Variants in CSN2 observed in about 807,000 individuals in gnomAD.
CSN2 encodes the protein casein beta, also known as beta-casein.
A neutral mutation model predicts 27.3 loss-of-function variants in CSN2; 27 were observed. The observed-to-expected ratio is 0.99, with a 90% CI of 0.73 to 1.36. The LOEUF (loss-of-function observed/expected upper bound fraction) is 1.36, where lower values mean the gene tolerates loss of function less well. CSN2 is among the 40% of genes most tolerant of loss of function. The pLI is 0.00. For missense variants in CSN2, 333 were observed against 264.5 expected, an observed-to-expected ratio of 1.26 and a Z score of -1.80; for synonymous variants, 131 against 94.8, an observed-to-expected ratio of 1.38 and a Z score of -2.22.
At chr4:69,958,888 T>C (rs1723482868) in intron 5 of CSN2, 21 bp downstream of exon 5, 2 of 1,498,766 alleles carry the variant, frequency 1.3e-6, no homozygotes, top group South Asian at 1.2e-5. Context: ...TTTAAACATA[T>C]ACTTATCATT....
chr4:69,957,732 G>C lies in CSN2; in HGVS notation c.217C>G (p.Pro73Ala), dbSNP rs377283300. The C allele has an allele frequency of 2.5e-6, 4 of 1,613,956 alleles. No individual in the cohort carries two copies. In the Admixed American group the frequency reaches 6.7e-5, roughly 27 times the overall value. ...PLIYPFVEPI[P>A]YGFLPQNILP... ...ATGTTTTGTGGAAGAAAACCATAGG[G>C]GATAGGTTCAACGAATGGATAGATC... The change falls in exon 6 of 8, where the codon CCC (proline) becomes GCC (alanine). Residue 73 changes from proline (P) to alanine (A), a missense_variant. Transcript: ENST00000353151.
At chr4:69,961,142 T>C in intron 1 of CSN2, 135 bp from the exon 2 acceptor site, 1 of 556,458 alleles carries the variant, frequency 1.8e-6, no homozygotes, top group Non-Finnish European at 3.3e-6. Context: ...ATTTAGAAAA[T>C]AAATAGAATA....
chr4:69,956,491 T>G, intron 6 of CSN2, 136 bp from the exon 7 acceptor site: 1 of 578,090 alleles, frequency 1.7e-6, no homozygotes, highest in Non-Finnish European at 2.5e-6. Context: ...AGATGTGAAG[T>G]AAGGCTTGTG....
chr4:69,965,619 C>T (rs546600452), intron 1 of CSN2, among the ~76,000 whole-genome samples, 62 bp downstream of exon 1: 2 of 151,650 alleles, frequency 1.3e-5, no homozygotes, highest in Admixed American at 1.3e-4. Context: ...TTCTATAGCT[C>T]AAGCTACTTT....
At chr4:69,958,880 T>G (rs1723482642) in intron 5 of CSN2, 29 bp downstream of exon 5, 3 of 1,428,190 alleles carry the variant, frequency 2.1e-6, no homozygotes, top group Non-Finnish European at 2.9e-6. Flanking sequence ...ATAATAATTT[T>G]AAACATATAC....
At chr4:69,960,190 G>T (rs909048368) in intron 2 of CSN2, 111 bp from the exon 3 acceptor site, 8 of 926,964 alleles carry the variant, frequency 8.6e-6, no homozygotes, top group African/African-American at 1.7e-5. Flanking sequence ...CTCAGAGGAT[G>T]CATTGGATTG....
chr4:69,963,597 G>T (rs1050902055), intron 1 of CSN2, among the ~76,000 whole-genome samples: 1 of 151,670 alleles, frequency 6.6e-6, no homozygotes, highest in African/African-American at 2.4e-5. Context: ...GGGGTGGGGG[G>T]AGTGGGGAGG....
In CSN2 at chr4:69,960,217, G is replaced by T. The variant is rs1723530242; in HGVS notation, c.52-138C>A. 1.4e-5 allele frequency: 10 copies of T among 733,752 alleles called. No homozygotes were observed. The East Asian group carries it at 2.5e-4, about 18-fold the overall frequency. The allele number at this position is 733,752 out of a possible 1,614,324, so 45.5% of individuals were successfully genotyped here. On this transcript the variant is annotated intron_variant, in intron 2 of 7. Transcript: ENST00000353151. ...ATTGGATTGTTCCTTCTGAAAAGATGTTTAAAAATTCAACTTCTATAGCTA... is the reference window on the plus strand; with the variant it reads ...ATTGGATTGTTCCTTCTGAAAAGATTTTTAAAAATTCAACTTCTATAGCTA...
In CSN2 at chr4:69,962,106, A is replaced by G. The variant is rs1286156312; in HGVS notation, c.-12-1099T>C. 1.3e-5 allele frequency among the ~76,000 whole-genome samples: 2 copies of G among 152,222 alleles called. 1 individual carries two copies. Among genetic ancestry groups the G allele is most frequent in the Non-Finnish European group, 2.9e-5 (2 of 68,032 alleles). ...AGAGGATACAAACAAATGGAAGAAC[A>G]TTCCATGCTCATGGGTAGGAAGAAT... On this transcript the variant is annotated intron_variant, in intron 1 of 7. Transcript: ENST00000353151.
rs190197314 is a variant in CSN2 at position 69,957,615 on chromosome 4, C to G, written c.334G>C (p.Gly112Arg). Residue 112 changes from glycine to arginine, a missense_variant, in exon 6 of 8, where the codon GGC becomes CGC. Transcript: ENST00000353151. ...GATTTAAGGACAGGCATCACTCTGC[C>G]CTTAGTGTAGACAGTGTCTTTAGCT... ...PKAKDTVYTK[G>R]RVMPVLKSPT... 6.8e-6 allele frequency: 11 copies of G among 1,613,776 alleles called. No homozygotes were observed. The highest frequency in any genetic ancestry group is 1.7e-4 in the Middle Eastern group (1 of 6,060).
At chr4:69,957,133 C>A in intron 6 of CSN2, 141 bp downstream of exon 6, 1 of 873,796 alleles carries the variant, frequency 1.1e-6, no homozygotes, top group South Asian at 2.1e-5. Flanking sequence ...TGCACATGTA[C>A]CCTAAAACTT....
At chr4:69,956,615 T>C (rs1455642253) in intron 6 of CSN2, among the ~76,000 whole-genome samples, 8 of 152,078 alleles carry the variant, frequency 5.3e-5, no homozygotes, top group African/African-American at 1.9e-4. Flanking sequence ...TATATACTTA[T>C]AGCAAAAACA....
chr4:69,958,960 A>T lies in CSN2; in HGVS notation c.100-7T>A. ...TAACCTTCTCAACTTTCTGCTAAAG[A>T]TATATCATATATAAAGATATGTTAC... On this transcript the variant is annotated splice_region_variant and splice_polypyrimidine_tract_variant and intron_variant, in intron 4 of 7. Coordinates refer to ENST00000353151, the MANE Select transcript of CSN2 (RefSeq NM_001891.4). The T allele has an allele frequency of 6.3e-7, 1 of 1,590,722 alleles. No homozygotes were observed. The highest frequency in any genetic ancestry group is 8.6e-7 in the Non-Finnish European group (1 of 1,163,164).
intron 1 of CSN2, among the ~76,000 whole-genome samples, chr4:69,963,509 T>G (rs1304745597): frequency 6.6e-6 from 1 of 152,026 alleles, no homozygotes; most frequent in Admixed American, 6.6e-5. Flanking sequence ...ACACCACATG[T>G]TCTCACTCAT....
chr4:69,956,533 A>AATAT (rs1723402299), intron 6 of CSN2, among the ~76,000 whole-genome samples, 178 bp from the exon 7 acceptor site: 1 of 151,966 alleles, frequency 6.6e-6, no homozygotes, highest in Non-Finnish European at 1.5e-5. Flanking sequence ...TAAATAAATA[A>AATAT]CCTCTTAGTA....
intron 1 of CSN2, among the ~76,000 whole-genome samples, chr4:69,963,902 T>C (rs1048864296): frequency 2.6e-5 from 4 of 152,182 alleles, no homozygotes; most frequent in African/African-American, 9.6e-5. Flanking sequence ...GCCTCAGTTC[T>C]ACTGGAAGAG....
intron 1 of CSN2, among the ~76,000 whole-genome samples, chr4:69,964,243 T>C (rs1366525232): frequency 6.6e-6 from 1 of 152,088 alleles, no homozygotes; most frequent in Admixed American, 6.6e-5. Context: ...CGCCAAGGGG[T>C]CAGAGCCTCT....
chr4:69,959,721 T>C (rs1336481649), intron 3 of CSN2, among the ~76,000 whole-genome samples: 1 of 152,034 alleles, frequency 6.6e-6, no homozygotes, highest in Admixed American at 6.6e-5. Context: ...CCACAGCTCC[T>C]AGTCAATGTC....
intron 3 of CSN2, among the ~76,000 whole-genome samples, 197 bp downstream of exon 3, chr4:69,959,856 G>A (rs1723514684): frequency 6.6e-6 from 1 of 151,620 alleles, no homozygotes; most frequent in South Asian, 2.1e-4. Context: ...ACAATTTCAA[G>A]TAGCAAGCCA....
Sources: gnomAD v4.1 joint callset for allele counts (sites outside exome capture counted in the v4.1 genomes callset) on GRCh38, gnomAD v4.1.1 for gene constraint, MANE v1.5 for transcripts, NCBI Gene and HGNC (gene_info 2026-07-23, HGNC 2026-07-21) for gene names.